POTEJ: variants seen among roughly 807,000 people sequenced by gnomAD.
The protein encoded by POTEJ is POTE ankyrin domain family, member J.
POTEJ carries 11 observed loss-of-function variants against 69.0 expected under a neutral mutation model. The observed-to-expected ratio is 0.16, with a 90% CI of 0.10 to 0.26. The LOEUF (loss-of-function observed/expected upper bound fraction) is 0.26. Ranked by LOEUF, POTEJ falls within the 10% of genes least tolerant of loss-of-function variation. The pLI, the probability that POTEJ is intolerant of heterozygous loss-of-function variation, is 1.00. For missense variants in POTEJ, 327 were observed against 1,045.5 expected, an observed-to-expected ratio of 0.31 and a Z score of 9.48; for synonymous variants, 117 against 381.1, an observed-to-expected ratio of 0.31 and a Z score of 8.07.
At chr2:130,618,605 A>G (rs1166833680) in intron 3 of POTEJ, among the ~76,000 whole-genome samples, 2 of 145,724 alleles carry the variant, frequency 1.4e-5, no homozygotes, top group Admixed American at 6.7e-5. Flanking sequence ...AACGACGACG[A>G]CAACAACAAC....
chr2:130,618,659 A>G (rs866237482), intron 3 of POTEJ, among the ~76,000 whole-genome samples: 1 of 143,440 alleles, frequency 7.0e-6, no homozygotes, highest in Non-Finnish European at 1.5e-5. Context: ...AGAACCACTC[A>G]ATACATAAAT....
At chr2:130,614,198 T>C (rs1685345169) in intron 1 of POTEJ, among the ~76,000 whole-genome samples, 1 of 152,248 alleles carries the variant, frequency 6.6e-6, no homozygotes, top group African/African-American at 2.4e-5. Context: ...TGAAATACTG[T>C]TTTCTATCCA....
At chr2:130,643,567 G>A (rs1261352713) in intron 10 of POTEJ, among the ~76,000 whole-genome samples, 11 of 144,112 alleles carry the variant, frequency 7.6e-5, no homozygotes, top group Admixed American at 4.2e-4. Context: ...AATAGTGGAG[G>A]GAAACATTTT....
chr2:130,643,474 G>A lies in POTEJ; in HGVS notation c.1370-509G>A, dbSNP rs1260182629. Among the ~76,000 whole-genome samples the A allele has an allele frequency of 3.7e-5, 5 of 136,576 alleles. 1 individual carries two copies. Among genetic ancestry groups the A allele is most frequent in the African/African-American group, 1.1e-4 (4 of 36,478 alleles). 89.6% of individuals were successfully genotyped at this position (136,576 alleles called of 152,430 possible). ...GCGGAGGTTGCAGTGAGCTGATCAT[G>A]CCACTGCATTCCAGCCTGGTGACAG... On this transcript the variant is annotated intron_variant, in intron 10 of 14. Coordinates refer to ENST00000409602, the MANE Select transcript of POTEJ (RefSeq NM_001277083.2).
At chr2:130,613,411 C>CT (rs1327556111) in intron 1 of POTEJ, among the ~76,000 whole-genome samples, 3 of 100,450 alleles carry the variant, frequency 3.0e-5, no homozygotes, top group Admixed American at 9.5e-5. Context: ...TATATATATA[C>CT]TTTTTTTTTT....
intron 9 of POTEJ, among the ~76,000 whole-genome samples, chr2:130,637,398 C>T (rs1424387026): frequency 2.0e-5 from 3 of 150,450 alleles, no homozygotes; most frequent in African/African-American, 4.9e-5. Flanking sequence ...TTCATTGCAA[C>T]GTGGGTTCAT....
At position 130,633,148 on chromosome 2, in the gene POTEJ, T is replaced by C. The variant is rs918397472; in HGVS notation, c.1298+492T>C. ...TGAGTAAGAATATGTGGCATTTGAT[T>C]TTCTGTTCCTGCATTAGTTTGCTTA... On this transcript the variant is annotated intron_variant, in intron 9 of 14. Coordinates refer to ENST00000409602, the MANE Select transcript of POTEJ (RefSeq NM_001277083.2). Among the ~76,000 whole-genome samples, 1,014 of 132,096 alleles carry C rather than the reference T, an allele frequency of 7.7e-3. 50 individuals are homozygous for C. The highest frequency in any genetic ancestry group is 0.028 in the African/African-American group (850 of 30,734). The allele number at this position is 132,096 out of a possible 152,430, so 86.7% of individuals were successfully genotyped here. A position where few individuals can be genotyped will look rare whatever the true frequency, so the allele number is the denominator to read the frequency against.
In POTEJ at chr2:130,643,299, G is replaced by A. The variant is rs1383808009; in HGVS notation, c.1370-684G>A. Among the ~76,000 whole-genome samples the A allele has an allele frequency of 6.5e-5, 9 of 137,910 alleles. 2 individuals are homozygous for A. Among genetic ancestry groups the A allele is most frequent in the East Asian group, 2.0e-4 (1 of 4,938 alleles). The allele number at this position is 137,910 out of a possible 152,430, so 90.5% of individuals were successfully genotyped here. On this transcript the variant is annotated intron_variant, in intron 10 of 14. Transcript: ENST00000409602. ...CTGTAATCCCAGCACTTTCAGAGGG[G>A]ATCACGAGGTCAGGAGATCGAGACC...
chr2:130,625,951 C>T (rs1488058271), intron 6 of POTEJ, among the ~76,000 whole-genome samples: 1 of 136,118 alleles, frequency 7.3e-6, no homozygotes, highest in Admixed American at 7.3e-5. Context: ...CTTTGATATC[C>T]TAGGATCCCA....
intron 13 of POTEJ, among the ~76,000 whole-genome samples, chr2:130,648,265 C>A (rs1446097455): frequency 5.4e-3 from 781 of 145,458 alleles, no homozygotes; most frequent in African/African-American, 0.019. Flanking sequence ...ATTTTTATAA[C>A]CTTTAGAATA....
chr2:130,636,429 G>T (rs1462345273), intron 9 of POTEJ, among the ~76,000 whole-genome samples: 4 of 144,056 alleles, frequency 2.8e-5, no homozygotes, highest in Non-Finnish European at 6.2e-5. Flanking sequence ...TTAACCTTAT[G>T]TCATCGTTTC....
chr2:130,613,305 T>TATACAC (rs1426970591), intron 1 of POTEJ, among the ~76,000 whole-genome samples: 3 of 105,024 alleles, frequency 2.9e-5, no homozygotes, highest in African/African-American at 1.1e-4. Context: ...TATACATATG[T>TATACAC]ATATATACAT....
At chr2:130,641,325 A>G (rs1004413192) in intron 10 of POTEJ, among the ~76,000 whole-genome samples, 4 of 151,756 alleles carry the variant, frequency 2.6e-5, no homozygotes, top group Admixed American at 1.3e-4. Context: ...TCACCCGTCC[A>G]TGGTGAAATA....
At chr2:130,633,897 G>A (rs1324899113) in intron 9 of POTEJ, among the ~76,000 whole-genome samples, 1 of 149,494 alleles carries the variant, frequency 6.7e-6, no homozygotes, top group African/African-American at 2.5e-5. Context: ...AAATATTTTA[G>A]GCTTTGTGGA....
At position 130,613,265 on chromosome 2, in the gene POTEJ, CATATATAT is replaced by C. The variant is rs1230704877; in HGVS notation, c.410+1325_410+1332del. Among the ~76,000 whole-genome samples, 137 of 58,218 alleles carry C rather than the reference CATATATAT, an allele frequency of 2.4e-3. 2 individuals are homozygous for C. Among genetic ancestry groups the C allele is most frequent in the Middle Eastern group, 9.4e-3 (1 of 106 alleles). The allele number at this position is 58,218 out of a possible 152,430, so 38.2% of individuals were successfully genotyped here. ...ATATACATATATATACACATATATA[CATATATAT>C]ACATATGTATATATACATATATATA... On this transcript the variant is annotated intron_variant, in intron 1 of 14. Coordinates refer to ENST00000409602, the MANE Select transcript of POTEJ (RefSeq NM_001277083.2).
intron 14 of POTEJ, among the ~76,000 whole-genome samples, chr2:130,655,415 AG>A (rs1223911438): frequency 6.6e-6 from 1 of 152,240 alleles, no homozygotes; most frequent in African/African-American, 2.4e-5. Flanking sequence ...TTCACTGATA[AG>A]AAAGTAGGAA....
At chr2:130,611,314 T>TGGG (rs1685199669), upstream of POTEJ, among the ~76,000 whole-genome samples, 1 of 82,036 alleles carries the variant, frequency 1.2e-5, no homozygotes, top group Non-Finnish European at 2.2e-5. Flanking sequence ...GGGGGGGGGT[T>TGGG]GGCCCTTCCT....
chr2:130,641,274 G>A (rs1214129716), intron 10 of POTEJ, among the ~76,000 whole-genome samples: 1 of 152,054 alleles, frequency 6.6e-6, no homozygotes, highest in Non-Finnish European at 1.5e-5. Flanking sequence ...TAGTTTCCAT[G>A]TCACACATCC....
chr2:130,611,143 T>A (rs1451858866), upstream of POTEJ, among the ~76,000 whole-genome samples: 1 of 148,842 alleles, frequency 6.7e-6, no homozygotes, highest in African/African-American at 2.5e-5. Flanking sequence ...GGCTTTGCGT[T>A]CTTTGCTTGG....
Sources: gnomAD v4.1 joint callset for allele counts (sites outside exome capture counted in the v4.1 genomes callset) on GRCh38, gnomAD v4.1.1 for gene constraint, MANE v1.5 for transcripts, NCBI Gene and HGNC (gene_info 2026-07-23, HGNC 2026-07-21) for gene names.